SACS: variants seen among roughly 807,000 people sequenced by gnomAD.
SACS encodes the protein sacsin molecular chaperone.
SACS carries 197 observed loss-of-function variants against 348.0 expected under a neutral mutation model. The observed-to-expected ratio is 0.57, with a 90% CI of 0.50 to 0.64. SACS has a LOEUF of 0.64. Ranked by LOEUF, SACS falls within the 30% of genes least tolerant of loss-of-function variation. The pLI is 0.00. For missense variants in SACS, 4,999 were observed against 5,360.8 expected, an observed-to-expected ratio of 0.93 and a Z score of 2.11; for synonymous variants, 1,985 against 1,910.6, an observed-to-expected ratio of 1.04 and a Z score of -1.02.
At chr13:23,365,118 G>T in intron 6 of SACS, 48 bp downstream of exon 6, 5 of 1,171,984 alleles carry the variant, frequency 4.3e-6, no homozygotes, top group Non-Finnish European at 6.3e-6. Flanking sequence ...ATTAAAAACT[G>T]CCTGTTAGTG....
chr13:23,387,331 G>A (rs945247470), intron 2 of SACS, among the ~76,000 whole-genome samples: 4 of 152,026 alleles, frequency 2.6e-5, no homozygotes, highest in African/African-American at 7.2e-5. Flanking sequence ...GCATGGCGGC[G>A]GGCAACTGTA....
At chr13:23,424,704 A>G (rs932398225) in intron 1 of SACS, among the ~76,000 whole-genome samples, 1 of 152,174 alleles carries the variant, frequency 6.6e-6, no homozygotes, top group African/African-American at 2.4e-5. Flanking sequence ...AGAATCTCAG[A>G]TATGACATTT....
rs1272702356 is a variant in SACS at position 23,340,782 on chromosome 13, C to T, written c.3094G>A (p.Glu1032Lys). 1 of 1,606,332 alleles carries T rather than the reference C, an allele frequency of 6.2e-7. No homozygotes were observed. The change falls in exon 10 of 10, where the codon GAG becomes AAG. Residue 1032 changes from glutamate (E) to lysine (K), a missense_variant. Glu to Lys is a moderately conservative substitution (Grantham distance 56). Transcript: ENST00000382292. Reference protein sequence around the residue: ...SLKNENPNVLEWLTPLKFIQI... With the variant: ...SLKNENPNVLKWLTPLKFIQI... ...ATGAATTTTAATGGTGTTAACCACT[C>T]AAGCACATTTGGATTCTCATTTTTA...
At chr13:23,396,477 A>G (rs1316598200) in intron 2 of SACS, among the ~76,000 whole-genome samples, 1 of 152,190 alleles carries the variant, frequency 6.6e-6, no homozygotes, top group African/African-American at 2.4e-5. Flanking sequence ...AAAATGAATT[A>G]TCAGCATTAA....
chr13:23,347,783 T>C (rs1227365518), intron 9 of SACS, among the ~76,000 whole-genome samples: 1 of 151,628 alleles, frequency 6.6e-6, no homozygotes, highest in East Asian at 1.9e-4. Context: ...AATGGAGGAG[T>C]TGGCAAGGAA....
Position 23,341,259 on chromosome 13 carries a change from G to A in SACS, c.2617C>T (p.Pro873Ser). Residue 873 changes from proline (P) to serine (S), a missense_variant, in exon 10 of 10, where the codon CCA (proline) becomes TCA (serine). Pro to Ser is a moderately conservative substitution (Grantham distance 74, BLOSUM62 -1). Coordinates refer to ENST00000382292, the MANE Select transcript of SACS (RefSeq NM_014363.6). ...TCCATTATCTGCAAAACAGCACTTG[G>A]TAATGGTGAATGAATATATTTTTTA... ...LIKKYIHSPL[P>S]SAVLQIMEKM... 6.2e-7 allele frequency: 1 copy of A among 1,613,630 alleles called. No individual in the cohort carries two copies. Among genetic ancestry groups the A allele is most frequent in the Non-Finnish European group, 8.5e-7 (1 of 1,179,682 alleles).
At chr13:23,349,826 G>A (rs1869840821) in intron 9 of SACS, among the ~76,000 whole-genome samples, 1 of 152,156 alleles carries the variant, frequency 6.6e-6, no homozygotes, top group Admixed American at 6.5e-5. Flanking sequence ...CACAATAGAG[G>A]AGTGAAGTTT....
At chr13:23,344,977 T>G (rs943674478) in intron 9 of SACS, among the ~76,000 whole-genome samples, 3 of 152,248 alleles carry the variant, frequency 2.0e-5, no homozygotes, top group African/African-American at 7.2e-5. Flanking sequence ...ATATTATATA[T>G]AGTCTACTTA....
At chr13:23,360,494 G>A (rs909234811) in intron 6 of SACS, among the ~76,000 whole-genome samples, 1 of 151,816 alleles carries the variant, frequency 6.6e-6, no homozygotes, top group Admixed American at 6.6e-5. Context: ...TACAAGGTCT[G>A]TGGAAGGAAA....
At chr13:23,433,010 G>A (rs939010796) in intron 1 of SACS, among the ~76,000 whole-genome samples, 1 of 152,164 alleles carries the variant, frequency 6.6e-6, no homozygotes, top group Non-Finnish European at 1.5e-5. Context: ...AGAATCTAAT[G>A]ATCGCTTATT....
rs1176829935 is a variant in SACS, at chr13:23,340,771, T to C, written c.3105A>G (p.Thr1035=). 3.7e-6 allele frequency: 6 copies of C among 1,607,044 alleles called. No homozygotes were observed. The African/African-American group carries it at 6.7e-5, about 18-fold the overall frequency. The change falls in exon 10 of 10, where the codon ACA becomes ACG. Residue 1035 remains threonine (T), a synonymous_variant. Transcript: ENST00000382292. ...GTGATATCTGGATGAATTTTAATGG[T>C]GTTAACCACTCAAGCACATTTGGAT... ...NENPNVLEWL[T]PLKFIQISQE... is the part of the protein sequence containing the mutation.
chr13:23,431,030 T>A (rs1874414518), intron 1 of SACS, among the ~76,000 whole-genome samples: 1 of 152,206 alleles, frequency 6.6e-6, no homozygotes, highest in South Asian at 2.1e-4. Flanking sequence ...CTCCTTTTAC[T>A]AATAAGAAAT....
chr13:23,341,331 C>G lies in SACS; in HGVS notation c.2545G>C (p.Gly849Arg), dbSNP rs1444467375. ...GCATCTAATTTTTTAAGGACAAACC[C>G]TCCAAGTTTTTGTACAATGTCTGCT... is the stretch of plus-strand genomic sequence containing the variant. The part of the protein sequence containing the change: ...FLADIVQKLG[G>R]FVLKKLDASI... Residue 849 changes from glycine (G) to arginine (R), a missense_variant, in exon 10 of 10, where the codon GGG (glycine) becomes CGG (arginine). Physicochemically the swap from Gly to Arg is moderately radical, Grantham distance 125. Coordinates refer to ENST00000382292, the MANE Select transcript of SACS (RefSeq NM_014363.6). The G allele has an allele frequency of 6.2e-7, 1 of 1,605,372 alleles. No homozygotes were observed. Among genetic ancestry groups the G allele is most frequent in the Non-Finnish European group, 8.5e-7 (1 of 1,175,452 alleles).
Position 23,333,821 on chromosome 13 carries a change from G to C in SACS, c.10055C>G (p.Thr3352Arg). ...SAFVPLLSCH[T>R]ANIESPTSIL... ...GCTTGTGGGGCTCTCTATATTTGCT[G>C]TGTGACATGACAACAAAGGAACAAA... Residue 3352 changes from threonine to arginine, a missense_variant, in exon 10 of 10, where the codon ACA becomes AGA. By Grantham distance (71) the Thr-to-Arg change is moderately conservative. Around this residue, in one of 6 missense-constraint regions of SACS, gnomAD observed 734 missense variants for 694.0 expected, o/e 1.06. Coordinates refer to ENST00000382292, the MANE Select transcript of SACS (RefSeq NM_014363.6). 1 of 1,613,854 alleles carries C rather than the reference G, an allele frequency of 6.2e-7. No homozygotes were observed. The highest frequency in any genetic ancestry group is 8.5e-7 in the Non-Finnish European group (1 of 1,179,824).
intron 2 of SACS, among the ~76,000 whole-genome samples, chr13:23,408,432 A>T (rs1873328442): frequency 6.6e-6 from 1 of 152,274 alleles, no homozygotes; most frequent in Non-Finnish European, 1.5e-5. Flanking sequence ...TGCAACGTTT[A>T]GCTTGAAACT....
intron 9 of SACS, among the ~76,000 whole-genome samples, chr13:23,342,661 AC>A (rs1240907200): frequency 6.6e-6 from 1 of 152,182 alleles, no homozygotes; most frequent in Non-Finnish European, 1.5e-5. Context: ...GGGACACCCA[AC>A]CTGTATGAAG....
At chr13:23,366,294 T>C (rs1871056782) in intron 5 of SACS, among the ~76,000 whole-genome samples, 1 of 152,138 alleles carries the variant, frequency 6.6e-6, no homozygotes, top group South Asian at 2.1e-4. Flanking sequence ...AAGTCAGTTC[T>C]GAGATTGTGC....
chr13:23,404,759 C>A (rs1046043974), intron 2 of SACS, among the ~76,000 whole-genome samples: 1 of 152,166 alleles, frequency 6.6e-6, no homozygotes, highest in Admixed American at 6.5e-5. Context: ...AAATCGCAAG[C>A]ATTTCTATAC....
chr13:23,406,380 G>A (rs946791418), intron 2 of SACS, among the ~76,000 whole-genome samples: 1 of 152,008 alleles, frequency 6.6e-6, no homozygotes, highest in African/African-American at 2.4e-5. Flanking sequence ...GGGCCTGTCG[G>A]GGGGTGGGGA....
Sources: allele counts gnomAD v4.1 joint callset (sites outside exome capture counted in the v4.1 genomes callset), GRCh38; gene constraint gnomAD v4.1.1; regional missense constraint gnomAD v4.1.1; transcripts MANE v1.5; gene names NCBI Gene and HGNC (gene_info 2026-07-23, HGNC 2026-07-21).